Variants in ZFAT observed in about 807,000 individuals in gnomAD.
ZFAT encodes the protein zinc finger and AT-hook domain containing, also known as zinc finger protein ZFAT.
Under a neutral mutation model 117.7 loss-of-function variants are expected in ZFAT, and 64 were observed. That is an observed-to-expected ratio of 0.54 (90% CI 0.44 to 0.67). The LOEUF (loss-of-function observed/expected upper bound fraction) is 0.67. Ranked by LOEUF, ZFAT falls within the 30% of genes least tolerant of loss-of-function variation. The probability of loss-of-function intolerance (pLI) is 0.00; values close to 1 mark genes in which losing one functional copy is unlikely to be tolerated. For missense variants in ZFAT, 1,433 were observed against 1,584.5 expected (o/e 0.90, Z 1.62); for synonymous variants, 679 against 615.0 (o/e 1.10, Z -1.54).
In ZFAT at chr8:134,678,554, T is replaced by C. The variant is rs139621368; in HGVS notation, c.20-20817A>G. On this transcript the variant is annotated intron_variant, in intron 1 of 15. Coordinates refer to ENST00000377838, the MANE Select transcript of ZFAT (RefSeq NM_020863.4). ...TAATGCTATCCCCATCAAACTACCA[T>C]TGACTCTTCACAGAATTGTAAAAAA... Among the ~76,000 whole-genome samples, 189 of 152,268 alleles carry C rather than the reference T, an allele frequency of 1.2e-3. 1 individual carries two copies. Among genetic ancestry groups the C allele is most frequent in the African/African-American group, 4.3e-3 (177 of 41,566 alleles).
At chr8:134,538,788 C>A (rs1822029042) in intron 11 of ZFAT, among the ~76,000 whole-genome samples, 1 of 128,442 alleles carries the variant, frequency 7.8e-6, no homozygotes, top group African/African-American at 3.2e-5. Flanking sequence ...CAAAGTGAGA[C>A]CCTGTCACAA....
the ZFAT span, among the ~76,000 whole-genome samples, chr8:134,798,756 T>C: frequency 2.2e-4 from 33 of 152,078 alleles, no homozygotes; most frequent in Non-Finnish European, 1.0e-4. Flanking sequence ...AATTAAACAC[T>C]AGAATTAGGA....
rs148741260 is a variant in ZFAT, at chr8:134,506,963, T to C, written c.3492+2656A>G. On this transcript the variant is annotated intron_variant, in intron 15 of 15. Transcript: ENST00000377838. ...GGCAATACTGATTTGTAGGATACAA[T>C]TGAAGAATCAAAACCTCCAACATAG... 1.1e-4 allele frequency among the ~76,000 whole-genome samples: 17 copies of C among 152,334 alleles called. No homozygotes were observed. The South Asian group carries it at 1.2e-3, about 11-fold the overall frequency.
the ZFAT span, among the ~76,000 whole-genome samples, chr8:134,738,950 G>C: frequency 6.6e-6 from 1 of 152,184 alleles, no homozygotes; most frequent in Admixed American, 6.5e-5. Context: ...AACCAGTCAA[G>C]GGGAAAAACA....
At position 134,657,563 on chromosome 8, in the gene ZFAT, T is replaced by C; in HGVS notation, c.194A>G (p.Asp65Gly). The change falls in exon 2 of 16, where the codon GAT (aspartate) becomes GGT (glycine). Residue 65 changes from aspartate to glycine, a missense_variant and splice_region_variant. Physicochemically the swap from Asp to Gly is moderately conservative, Grantham distance 94. Around this residue, in one of 5 missense-constraint regions of ZFAT, gnomAD observed 436 missense variants for 482.0 expected, o/e 0.90. Transcript: ENST00000377838. ...PEPPNSSKTG[D>G]EFLVMKRKRG... ...GCCCCACCCCCCAGCCCCCTTACCA[T>C]CTCCGGTTTTGCTTGAGTTGGGGGG... 1.2e-6 allele frequency: 2 copies of C among 1,608,914 alleles called. No homozygotes were observed. The highest frequency in any genetic ancestry group is 2.2e-5 in the South Asian group (2 of 90,614).
At chr8:134,656,448 G>A (rs958634961) in intron 2 of ZFAT, among the ~76,000 whole-genome samples, 2 of 152,128 alleles carry the variant, frequency 1.3e-5, no homozygotes, top group African/African-American at 4.8e-5. Context: ...CTAGCTTCGG[G>A]TGCTGCATCT....
the ZFAT span, among the ~76,000 whole-genome samples, chr8:134,750,430 C>T: frequency 2.0e-5 from 3 of 151,970 alleles, no homozygotes; most frequent in Non-Finnish European, 2.9e-5. Flanking sequence ...AACTCTTGTG[C>T]CTTATATTTA....
At chr8:134,618,549 C>T (rs1298449834) in intron 3 of ZFAT, among the ~76,000 whole-genome samples, 1 of 152,164 alleles carries the variant, frequency 6.6e-6, no homozygotes, top group Non-Finnish European at 1.5e-5. Flanking sequence ...TGGTTACCCC[C>T]TCCTCAATTT....
intron 1 of ZFAT, among the ~76,000 whole-genome samples, chr8:134,677,417 C>A (rs1345807849): frequency 1.3e-5 from 2 of 152,272 alleles, no homozygotes; most frequent in Admixed American, 6.5e-5. Context: ...CCTGAATACA[C>A]CAATAACAAG....
chr8:134,696,820 G>A (rs1298130581), intron 1 of ZFAT, among the ~76,000 whole-genome samples: 1 of 152,260 alleles, frequency 6.6e-6, no homozygotes. Context: ...GAGGCTGCAG[G>A]CGAGAAGCGC....
At chr8:134,534,296 T>A (rs370696091) in intron 11 of ZFAT, among the ~76,000 whole-genome samples, 10 of 152,362 alleles carry the variant, frequency 6.6e-5, no homozygotes, top group East Asian at 5.8e-4. Context: ...TTACTGTGCA[T>A]CTGGAAGCTA....
At chr8:134,757,849 G>A in the ZFAT span, among the ~76,000 whole-genome samples, 2 of 152,160 alleles carry the variant, frequency 1.3e-5, no homozygotes, top group African/African-American at 2.4e-5. Flanking sequence ...GTCCCGAGGG[G>A]ACCAGAGAGG....
chr8:134,734,550 CA>C, the ZFAT span, among the ~76,000 whole-genome samples: 3 of 152,214 alleles, frequency 2.0e-5, no homozygotes, highest in Admixed American at 2.0e-4. Flanking sequence ...GCTGCATGAA[CA>C]AACCCTCGTG....
chr8:134,578,150 C>T (rs911346415), intron 10 of ZFAT, among the ~76,000 whole-genome samples: 1 of 152,066 alleles, frequency 6.6e-6, no homozygotes, highest in Non-Finnish European at 1.5e-5. Context: ...CATGGCGGCT[C>T]ACATGTAATC....
At chr8:134,663,123 C>T (rs1322157825) in intron 1 of ZFAT, among the ~76,000 whole-genome samples, 1 of 152,246 alleles carries the variant, frequency 6.6e-6, no homozygotes, top group Non-Finnish European at 1.5e-5. Context: ...GAGATCCTGC[C>T]TTCGTGATCG....
chr8:134,807,170 G>A, the ZFAT span, among the ~76,000 whole-genome samples: 1 of 152,176 alleles, frequency 6.6e-6, no homozygotes, highest in African/African-American at 2.4e-5. Context: ...TCTATCAAAA[G>A]CAGTTTATGA....
At chr8:134,694,563 C>T (rs139308685) in intron 1 of ZFAT, among the ~76,000 whole-genome samples, 7 of 152,314 alleles carry the variant, frequency 4.6e-5, no homozygotes, top group African/African-American at 7.2e-5. Flanking sequence ...AACATGCCTT[C>T]GGTATTTGAG....
chr8:134,573,990 A>G (rs1825120833), intron 10 of ZFAT, among the ~76,000 whole-genome samples: 1 of 152,252 alleles, frequency 6.6e-6, no homozygotes, highest in South Asian at 2.1e-4. Context: ...CCTGTTAGAA[A>G]GGGAAGAGGG....
At position 134,555,994 on chromosome 8, in the gene ZFAT, G is replaced by A. The variant is rs1464519860; in HGVS notation, c.2976+9339C>T. On this transcript the variant is annotated intron_variant, in intron 11 of 15. Transcript: ENST00000377838. ...AGGGAGGGAGGGAAGGAGGGAAGGC[G>A]GGAGGGAGGGAAGGTGGGAGGGAAG... 1.7e-4 allele frequency among the ~76,000 whole-genome samples: 23 copies of A among 132,274 alleles called. No individual in the cohort carries two copies. In the South Asian group the frequency reaches 4.8e-3, roughly 27 times the overall value. 86.8% of individuals were successfully genotyped at this position (132,274 alleles called of 152,430 possible).
Sources: gnomAD v4.1 joint callset for allele counts (sites outside exome capture counted in the v4.1 genomes callset) on GRCh38, gnomAD v4.1.1 for gene constraint, gnomAD v4.1.1 regional missense constraint, MANE v1.5 for transcripts, NCBI Gene and HGNC (gene_info 2026-07-23, HGNC 2026-07-21) for gene names.